MRPS31: variants seen among roughly 807,000 people sequenced by gnomAD.
The protein encoded by MRPS31 is mitochondrial ribosomal protein S31.
In MRPS31, 32 loss-of-function variants were observed where a neutral mutation model predicts 43.1. That is an observed-to-expected ratio of 0.74 (90% confidence interval 0.56 to 1.00). MRPS31 has a LOEUF of 1.00. Ranked by LOEUF, MRPS31 falls within the 50% of genes least tolerant of loss-of-function variation. The pLI, the probability that MRPS31 is intolerant of heterozygous loss-of-function variation, is 0.00. For synonymous variants in MRPS31, 165 were observed against 161.6 expected, an observed-to-expected ratio of 1.02 and a Z score of -0.16; for missense variants, 437 against 466.7, an observed-to-expected ratio of 0.94 and a Z score of 0.59.
At chr13:40,734,140 T>A (rs1451286398) in intron 6 of MRPS31, among the ~76,000 whole-genome samples, 2 of 152,048 alleles carry the variant, frequency 1.3e-5, no homozygotes, top group African/African-American at 4.8e-5. Flanking sequence ...AGCAAAGGCT[T>A]ATTGTGAAAT....
In MRPS31 at chr13:40,759,041, T is replaced by C; in HGVS notation, c.506A>G (p.Asp169Gly). Residue 169 changes from aspartate (D) to glycine (G), a missense_variant, in exon 3 of 7, where the codon GAT becomes GGT. Transcript: ENST00000323563. ...CAGCTCTGACTTGGTTGTTTGCTTA[T>C]CAAAAGGGAGAGAATCTGCCACAGC... ...ASAVADSLPF[D>G]KQTTKSELLS... 6.2e-7 allele frequency: 1 copy of C among 1,608,330 alleles called. No homozygotes were observed. Among genetic ancestry groups the C allele is most frequent in the East Asian group, 2.2e-5 (1 of 44,682 alleles).
At chr13:40,729,715 T>C in intron 6 of MRPS31, 114 bp from the exon 7 acceptor site, 1 of 738,272 alleles carries the variant, frequency 1.4e-6, no homozygotes, top group Non-Finnish European at 2.2e-6. Flanking sequence ...AACTTTGGAG[T>C]TAGACCTAGG....
At chr13:40,733,989 T>C (rs1474422745) in intron 6 of MRPS31, among the ~76,000 whole-genome samples, 1 of 135,104 alleles carries the variant, frequency 7.4e-6, no homozygotes, top group Non-Finnish European at 1.6e-5. Context: ...AAAGGCCAGG[T>C]GCAGCGGCTC....
chr13:40,730,075 T>C (rs1025773062), intron 6 of MRPS31, among the ~76,000 whole-genome samples: 8 of 152,060 alleles, frequency 5.3e-5, no homozygotes, highest in African/African-American at 1.4e-4. Flanking sequence ...ACAGTGACTT[T>C]GGACTAATTA....
chr13:40,756,674 A>G (rs1880536686), intron 4 of MRPS31, among the ~76,000 whole-genome samples, 199 bp downstream of exon 4: 1 of 152,208 alleles, frequency 6.6e-6, no homozygotes, highest in African/African-American at 2.4e-5. Flanking sequence ...GGTATGGAAA[A>G]CTACAGGACT....
chr13:40,729,521 T>C lies in MRPS31; in HGVS notation c.1039A>G (p.Ile347Val). 6.2e-7 allele frequency: 1 copy of C among 1,614,138 alleles called. No homozygotes were observed. The highest frequency in any genetic ancestry group is 8.5e-7 in the Non-Finnish European group (1 of 1,180,008). Residue 347 changes from isoleucine (I) to valine (V), a missense_variant, in exon 7 of 7, where the codon ATT (isoleucine) becomes GTT (valine). Coordinates refer to ENST00000323563, the MANE Select transcript of MRPS31 (RefSeq NM_005830.4). ...HLESFPKQGP[I>V]RHFMELVTCG... Reference sequence around the variant, plus strand: ...GTCACCAGCTCCATGAAGTGGCGAATTGGTCCTTGTTTTGGAAAGCTCTCC... The same window carrying C: ...GTCACCAGCTCCATGAAGTGGCGAACTGGTCCTTGTTTTGGAAAGCTCTCC...
chr13:40,742,541 CAGTT>C (rs1158429567), intron 6 of MRPS31, among the ~76,000 whole-genome samples: 20 of 152,326 alleles, frequency 1.3e-4, no homozygotes, highest in African/African-American at 4.6e-4. Context: ...TGCTACCTGT[CAGTT>C]AGCACATACC....
chr13:40,736,239 TA>T (rs992034192), intron 6 of MRPS31, among the ~76,000 whole-genome samples: 2 of 152,006 alleles, frequency 1.3e-5, no homozygotes, highest in African/African-American at 4.8e-5. Flanking sequence ...GAAAAGAGAA[TA>T]AAAAGAAACG....
At chr13:40,760,266 T>TA (rs1231001107) in intron 2 of MRPS31, among the ~76,000 whole-genome samples, 2 of 150,834 alleles carry the variant, frequency 1.3e-5, no homozygotes, top group Admixed American at 6.6e-5. Context: ...ACTGGGAAGG[T>TA]AAAAATGAAA....
At chr13:40,753,972 C>T (rs372232185) in intron 5 of MRPS31, 47 bp downstream of exon 5, 36 of 1,183,316 alleles carry the variant, frequency 3.0e-5, no homozygotes, top group Middle Eastern at 1.9e-4. Context: ...CATCCTGGAA[C>T]GATGGAATGT....
chr13:40,771,183 C>T lies in MRPS31; in HGVS notation c.-47G>A. ...AAGAACACAACTGAAATGGTGCGTC[C>T]CGCTGCCAAACACGTCCCCGCCCTC... On this transcript the variant is annotated 5_prime_UTR_variant, in exon 1 of 7. Transcript: ENST00000323563. The T allele has an allele frequency of 6.5e-7, 1 of 1,541,744 alleles. No homozygotes were observed. Among genetic ancestry groups the T allele is most frequent in the Non-Finnish European group, 8.8e-7 (1 of 1,140,088 alleles).
In MRPS31 at chr13:40,729,245, C is replaced by A; in HGVS notation, c.*127G>T. ...TCAGTTACCATCATATTTTTGAAAA[C>A]AATGTAACATTTATACCAGCCAAAT... On this transcript the variant is annotated 3_prime_UTR_variant, in exon 7 of 7. Coordinates refer to ENST00000323563, the MANE Select transcript of MRPS31 (RefSeq NM_005830.4). The A allele has an allele frequency of 3.7e-6, 2 of 547,138 alleles. No individual in the cohort carries two copies. Among genetic ancestry groups the A allele is most frequent in the South Asian group, 3.3e-5 (1 of 29,914 alleles). 33.9% of individuals were successfully genotyped at this position (547,138 alleles called of 1,614,324 possible). A position where few individuals can be genotyped will look rare whatever the true frequency, so the allele number is the denominator to read the frequency against.
Position 40,759,095 on chromosome 13 carries a change from AG to A in MRPS31, c.451del (p.Leu151Ter). 1 of 1,579,680 alleles carries A rather than the reference AG, an allele frequency of 6.3e-7. No individual in the cohort carries two copies. ...EYAPKKRIEP[L>X]SPELVAAASA... is the part of the protein sequence containing the mutation. ...TGCAGCTGCCACCAACTCAGGACTCAGGGGCTCAATTCTGAAAAAGAAAATG... is the reference window on the plus strand; with the variant it reads ...TGCAGCTGCCACCAACTCAGGACTCAGGGCTCAATTCTGAAAAAGAAAATG... On this transcript the variant is annotated frameshift_variant, in exon 3 of 7. Coordinates refer to ENST00000323563, the MANE Select transcript of MRPS31 (RefSeq NM_005830.4). LOFTEE classifies it high-confidence loss of function.
chr13:40,746,669 C>T (rs188268860), intron 6 of MRPS31, among the ~76,000 whole-genome samples: 14 of 152,294 alleles, frequency 9.2e-5, no homozygotes, highest in South Asian at 2.1e-4. Context: ...ACCATGAGTT[C>T]GTGCTTTCCT....
At position 40,771,063 on chromosome 13, in the gene MRPS31, T is replaced by C. The variant is rs761174341; in HGVS notation, c.74A>G (p.Glu25Gly). The change falls in exon 1 of 7, where the codon GAG (glutamate) becomes GGG (glycine). Residue 25 changes from glutamate to glycine, a missense_variant. By Grantham distance (98) the Glu-to-Gly change is moderately conservative. Transcript: ENST00000323563. ...TAGCATAATCGCAGCCGCTGATGTC[T>C]CCGGGCTTCCAGAGGACAAAGGGTG... ...SRHPLSSGSP[E>G]TSAAAIMLLT... The C allele has an allele frequency of 2.4e-5, 38 of 1,613,908 alleles. No individual in the cohort carries two copies. In the South Asian group the frequency reaches 3.7e-4, roughly 16 times the overall value.
At chr13:40,755,889 G>A (rs1880513270) in intron 4 of MRPS31, among the ~76,000 whole-genome samples, 1 of 152,102 alleles carries the variant, frequency 6.6e-6, no homozygotes, top group South Asian at 2.1e-4. Context: ...ATATTCTCGA[G>A]GATTAACTGA....
chr13:40,743,088 G>A (rs141483689), intron 6 of MRPS31, among the ~76,000 whole-genome samples: 2,635 of 152,202 alleles, frequency 0.017, 82 homozygotes, highest in African/African-American at 0.058. Context: ...GAGGCAGGCA[G>A]ATCACCTGAG....
intron 6 of MRPS31, among the ~76,000 whole-genome samples, chr13:40,730,509 A>G (rs1879651040): frequency 6.6e-6 from 1 of 152,220 alleles, no homozygotes; most frequent in Non-Finnish European, 1.5e-5. Flanking sequence ...TGAACAACAG[A>G]GTGACACTCT....
At position 40,771,078 on chromosome 13, in the gene MRPS31, G is replaced by T. The variant is rs754218007; in HGVS notation, c.59C>A (p.Ser20Tyr). The T allele has an allele frequency of 3.1e-6, 5 of 1,613,994 alleles. No homozygotes were observed. In the East Asian group the frequency reaches 1.1e-4, roughly 36 times the overall value. The change falls in exon 1 of 7, where the codon TCC (serine) becomes TAC (tyrosine). Residue 20 changes from serine (S) to tyrosine (Y), a missense_variant. Coordinates refer to ENST00000323563, the MANE Select transcript of MRPS31 (RefSeq NM_005830.4). Reference sequence around the variant, plus strand: ...CGCTGATGTCTCCGGGCTTCCAGAGGACAAAGGGTGGCGGGAAAGGGGGCG... The same window carrying T: ...CGCTGATGTCTCCGGGCTTCCAGAGTACAAAGGGTGGCGGGAAAGGGGGCG... ...PLRPLSRHPL[S>Y]SGSPETSAAA...
Sources: allele counts gnomAD v4.1 joint callset (sites outside exome capture counted in the v4.1 genomes callset), GRCh38; gene constraint gnomAD v4.1.1; transcripts MANE v1.5; gene names NCBI Gene and HGNC (gene_info 2026-07-23, HGNC 2026-07-21).